Variants in COLQ observed in about 807,000 individuals in gnomAD.
COLQ encodes the protein acetylcholinesterase collagenic tail peptide.
COLQ carries 48 observed loss-of-function variants against 69.0 expected under a neutral mutation model. That is an observed-to-expected ratio of 0.70 (90% CI 0.55 to 0.88). The LOEUF (loss-of-function observed/expected upper bound fraction) is 0.88, where lower values mean the gene tolerates loss of function less well. Ranked by LOEUF, COLQ falls within the 40% of genes least tolerant of loss-of-function variation. COLQ has a pLI of 0.00. For missense variants in COLQ, 618 were observed against 594.6 expected (o/e 1.04, Z -0.41); for synonymous variants, 217 against 211.2 (o/e 1.03, Z -0.24).
Position 15,488,227 on chromosome 3 carries a change from G to A in COLQ, c.300C>T (p.Ser100=), listed in dbSNP as rs2305611. The A allele has an allele frequency of 3.8e-4, 613 of 1,612,834 alleles. 5 individuals are homozygous for A. The East Asian group carries it at 0.011, about 30-fold the overall frequency. ...QSPCMQGSLG[S]PGPPGPQGPP... ...CAACCTGGGGGCCGGGAGGCCCAGG[G>A]GAGCCTAGCGAGCCTTGCATGCACG... Residue 100 remains serine (S), a synonymous_variant, in exon 3 of 17, where the codon TCC becomes TCT. Transcript: ENST00000383788.
chr3:15,514,420 C>T (rs1206622337), intron 1 of COLQ, among the ~76,000 whole-genome samples: 1 of 152,118 alleles, frequency 6.6e-6, no homozygotes, highest in African/African-American at 2.4e-5. Context: ...GATTTCCATG[C>T]TGGCCGTAGT....
At chr3:15,460,864 A>G (rs1002913781) in intron 12 of COLQ, among the ~76,000 whole-genome samples, 1 of 152,106 alleles carries the variant, frequency 6.6e-6, no homozygotes, top group Non-Finnish European at 1.5e-5. Flanking sequence ...AAGCTCTGTG[A>G]CCAAGAATAT....
chr3:15,468,353 G>C (rs1378761904), intron 11 of COLQ, among the ~76,000 whole-genome samples: 2 of 112,688 alleles, frequency 1.8e-5, no homozygotes, highest in South Asian at 6.5e-4. Flanking sequence ...TTTTTTGAGA[G>C]ACGGAGTCTT....
intron 10 of COLQ, among the ~76,000 whole-genome samples, chr3:15,471,788 T>C (rs1006093128): frequency 1.3e-5 from 2 of 152,192 alleles, no homozygotes. Flanking sequence ...CCAAGAATTG[T>C]CCTTAAATCT....
At chr3:15,486,939 C>T (rs1215549631) in intron 3 of COLQ, among the ~76,000 whole-genome samples, 2 of 152,126 alleles carry the variant, frequency 1.3e-5, no homozygotes, top group Non-Finnish European at 2.9e-5. Flanking sequence ...CTGCCTTTGT[C>T]GTGAAAAAGC....
At chr3:15,469,488 T>C (rs1189685332) in intron 11 of COLQ, among the ~76,000 whole-genome samples, 1 of 152,210 alleles carries the variant, frequency 6.6e-6, no homozygotes, top group Non-Finnish European at 1.5e-5. Context: ...CTACCCATGA[T>C]CAAAGTTTGA....
intron 11 of COLQ, among the ~76,000 whole-genome samples, chr3:15,468,928 T>C (rs1309335616): frequency 6.6e-6 from 1 of 152,210 alleles, no homozygotes; most frequent in African/African-American, 2.4e-5. Flanking sequence ...GAATTTCTGA[T>C]TTTTGGCTTT....
chr3:15,475,080 G>T, intron 7 of COLQ, 129 bp from the exon 8 acceptor site: 1 of 1,009,078 alleles, frequency 9.9e-7, no homozygotes, highest in Non-Finnish European at 1.6e-6. Context: ...TTTTAGTGGG[G>T]TTGCAGCACC....
At chr3:15,477,017 C>G in intron 6 of COLQ, 109 bp downstream of exon 6, 1 of 1,079,746 alleles carries the variant, frequency 9.3e-7, no homozygotes, top group Non-Finnish European at 1.4e-6. Flanking sequence ...TTCTTCTTCC[C>G]CCTCTTGAAG....
At chr3:15,513,543 G>A (rs2063016606) in intron 1 of COLQ, among the ~76,000 whole-genome samples, 1 of 152,170 alleles carries the variant, frequency 6.6e-6, no homozygotes, top group South Asian at 2.1e-4. Flanking sequence ...GTAGAATTGA[G>A]CCCCAGTTGC....
intron 1 of COLQ, among the ~76,000 whole-genome samples, chr3:15,494,964 C>T (rs2062725451): frequency 6.6e-6 from 1 of 152,202 alleles, no homozygotes; most frequent in African/African-American, 2.4e-5. Flanking sequence ...CTAGGTACTA[C>T]TCTTGTTATC....
At chr3:15,475,676 TTTAAGA>T (rs2062368010) in intron 6 of COLQ, among the ~76,000 whole-genome samples, 189 bp from the exon 7 acceptor site, 1 of 152,148 alleles carries the variant, frequency 6.6e-6, no homozygotes, top group Non-Finnish European at 1.5e-5. Flanking sequence ...CATTCTTGTG[TTTAAGA>T]TTAAATATAA....
chr3:15,478,335 T>C (rs954323627), intron 5 of COLQ, among the ~76,000 whole-genome samples: 1 of 152,172 alleles, frequency 6.6e-6, no homozygotes, highest in Non-Finnish European at 1.5e-5. Context: ...ACAATAAATA[T>C]AGTAATTTAT....
In COLQ at chr3:15,469,029, G is replaced by C. The variant is rs539527726; in HGVS notation, c.717+1507C>G. 9.9e-5 allele frequency among the ~76,000 whole-genome samples: 15 copies of C among 152,280 alleles called. No homozygotes were observed. The South Asian group carries it at 2.7e-3, about 27-fold the overall frequency. On this transcript the variant is annotated intron_variant, in intron 11 of 16. Coordinates refer to ENST00000383788, the MANE Select transcript of COLQ (RefSeq NM_005677.4). The stretch of plus-strand genomic sequence containing the variant: ...AGACTATGCTGGGAGATTAATTCAT[G>C]ATAAAAATAAATACCACATCAGGCT...
At chr3:15,521,486 G>C in intron 1 of COLQ, 34 bp downstream of exon 1, 1 of 1,613,432 alleles carries the variant, frequency 6.2e-7, no homozygotes, top group Non-Finnish European at 8.5e-7. Flanking sequence ...TCCCCTGACA[G>C]ATGGAAGAGA....
chr3:15,496,570 G>A (rs1283155794), intron 1 of COLQ, among the ~76,000 whole-genome samples: 1 of 152,192 alleles, frequency 6.6e-6, no homozygotes, highest in African/African-American at 2.4e-5. Context: ...GCGTATCTCC[G>A]TGGAGCCTGC....
intron 1 of COLQ, among the ~76,000 whole-genome samples, chr3:15,491,050 T>A (rs1054190253): frequency 1.3e-5 from 2 of 152,234 alleles, no homozygotes; most frequent in Non-Finnish European, 2.9e-5. Flanking sequence ...CCCTGATTTG[T>A]GTCCCTACCT....
chr3:15,451,413 T>C lies in COLQ; in HGVS notation c.*231A>G. The C allele has an allele frequency of 1.5e-6, 1 of 670,998 alleles. No homozygotes were observed. The highest frequency in any genetic ancestry group is 2.7e-6 in the Non-Finnish European group (1 of 364,484). The allele number at this position is 670,998 out of a possible 1,614,324, so 41.6% of individuals were successfully genotyped here. ...AAATGGTAGCGATGGGGAACAGGTC[T>C]CAGGTTGGGCATGTGGAAGGTTTTC... On this transcript the variant is annotated 3_prime_UTR_variant, in exon 17 of 17. Coordinates refer to ENST00000383788, the MANE Select transcript of COLQ (RefSeq NM_005677.4).
chr3:15,452,349 G>A (rs1420944479), intron 16 of COLQ, among the ~76,000 whole-genome samples: 1 of 152,204 alleles, frequency 6.6e-6, no homozygotes, highest in South Asian at 2.1e-4. Flanking sequence ...TTACAGGCGT[G>A]AGTCACAGTG....
Sources: allele counts gnomAD v4.1 joint callset (sites outside exome capture counted in the v4.1 genomes callset), GRCh38; gene constraint gnomAD v4.1.1; transcripts MANE v1.5; gene names NCBI Gene and HGNC (gene_info 2026-07-23, HGNC 2026-07-21).